GAB2: variants seen among roughly 807,000 people sequenced by gnomAD.
GAB2 encodes the protein GRB2-associated-binding protein 2.
A neutral mutation model predicts 65.5 loss-of-function variants in GAB2; 26 were observed. That is an observed-to-expected ratio of 0.40 (90% confidence interval 0.29 to 0.55). The LOEUF is 0.55. Ranked by LOEUF, GAB2 falls within the 20% of genes least tolerant of loss-of-function variation. The pLI is 0.53. For synonymous variants in GAB2, 321 were observed against 329.6 expected, an observed-to-expected ratio of 0.97 and a Z score of 0.28; for missense variants, 884 against 875.8, an observed-to-expected ratio of 1.01 and a Z score of -0.12.
At chr11:78,411,552 C>T (rs1857128926) in intron 1 of GAB2, among the ~76,000 whole-genome samples, 1 of 152,128 alleles carries the variant, frequency 6.6e-6, no homozygotes, top group South Asian at 2.1e-4. Context: ...CAGACCCACA[C>T]AAATACGTCC....
intron 1 of GAB2, among the ~76,000 whole-genome samples, chr11:78,320,531 C>CG (rs1855702414): frequency 6.6e-6 from 1 of 152,092 alleles, no homozygotes; most frequent in Admixed American, 6.6e-5. Flanking sequence ...AAAGATCACT[C>CG]TGGCTGCTGT....
chr11:78,401,721 A>G (rs1233334769), intron 1 of GAB2, among the ~76,000 whole-genome samples: 1 of 152,128 alleles, frequency 6.6e-6, no homozygotes, highest in Non-Finnish European at 1.5e-5. Context: ...TGTATATATG[A>G]ACACACACAT....
intron 1 of GAB2, among the ~76,000 whole-genome samples, chr11:78,301,748 G>C (rs1867025229): frequency 6.6e-6 from 1 of 152,122 alleles, no homozygotes; most frequent in Non-Finnish European, 1.5e-5. Flanking sequence ...GCAAGGCTAA[G>C]CAAAGAACAA....
intron 1 of GAB2, among the ~76,000 whole-genome samples, chr11:78,351,425 G>A (rs907919498): frequency 2.0e-5 from 3 of 152,146 alleles, no homozygotes; most frequent in African/African-American, 7.2e-5. Flanking sequence ...TGGATTCCCA[G>A]GTGGCCCTGG....
intron 1 of GAB2, among the ~76,000 whole-genome samples, chr11:78,330,712 C>T (rs1441018074): frequency 6.6e-6 from 1 of 152,196 alleles, no homozygotes; most frequent in Non-Finnish European, 1.5e-5. Flanking sequence ...TACATTTCCT[C>T]TTCCCACCCC....
chr11:78,366,745 A>G (rs930167610), intron 1 of GAB2, among the ~76,000 whole-genome samples: 1 of 148,672 alleles, frequency 6.7e-6, no homozygotes, highest in African/African-American at 2.4e-5. Flanking sequence ...CCCCAATTAC[A>G]TTCTATTCCC....
At chr11:78,287,163 A>G (rs1341134189) in intron 1 of GAB2, among the ~76,000 whole-genome samples, 1 of 152,258 alleles carries the variant, frequency 6.6e-6, no homozygotes, top group Non-Finnish European at 1.5e-5. Flanking sequence ...AAAATATTTG[A>G]TAAAATTAAA....
Position 78,308,918 on chromosome 11 carries a change from A to G in GAB2, c.76-28017T>C, listed in dbSNP as rs367885936. On this transcript the variant is annotated intron_variant, in intron 1 of 9. Coordinates refer to ENST00000361507, the MANE Select transcript of GAB2 (RefSeq NM_080491.3). ...GTGTGTGTATTCCATTTCACAATAAAAAGTTGAAGACATAGTTGGAAACAT... is the reference window on the plus strand; with the variant it reads ...GTGTGTGTATTCCATTTCACAATAAGAAGTTGAAGACATAGTTGGAAACAT... Among the ~76,000 whole-genome samples the G allele has an allele frequency of 1.1e-4, 16 of 152,326 alleles. No homozygotes were observed. The East Asian group carries it at 1.7e-3, about 17-fold the overall frequency.
intron 3 of GAB2, among the ~76,000 whole-genome samples, chr11:78,249,114 G>A (rs10450667): frequency 0.016 from 2,404 of 152,300 alleles, 65 homozygotes; most frequent in African/African-American, 0.055. Flanking sequence ...GGGTAGCATA[G>A]TGAAAAGAGT....
intron 1 of GAB2, among the ~76,000 whole-genome samples, chr11:78,336,825 A>T (rs1856011325): frequency 6.6e-6 from 1 of 152,332 alleles, no homozygotes; most frequent in Admixed American, 6.5e-5. Context: ...AAATGTTAGG[A>T]AATTCTTGTT....
chr11:78,251,463 C>A (rs1865454670), intron 2 of GAB2, among the ~76,000 whole-genome samples: 1 of 152,196 alleles, frequency 6.6e-6, no homozygotes, highest in African/African-American at 2.4e-5. Flanking sequence ...AAGCCAAGGT[C>A]ATTATTCATT....
intron 1 of GAB2, among the ~76,000 whole-genome samples, chr11:78,338,362 C>T (rs1856037285): frequency 6.6e-6 from 1 of 152,034 alleles, no homozygotes; most frequent in Non-Finnish European, 1.5e-5. Flanking sequence ...AAAGCTTTTG[C>T]TTCTCTTGCT....
rs1440604068 is a variant in GAB2 at position 78,250,021 on chromosome 11, T to C, written c.620+136A>G. ...ATATGAAGGCTACAGAAGCAAAAAA[T>C]TATGTTTTGTCATAGACGTGTTTGT... On this transcript the variant is annotated intron_variant, in intron 3 of 9. Coordinates refer to ENST00000361507, the MANE Select transcript of GAB2 (RefSeq NM_080491.3). 3 of 922,244 alleles carry C rather than the reference T, an allele frequency of 3.3e-6. No individual in the cohort carries two copies. In the African/African-American group the frequency reaches 5.0e-5, roughly 15 times the overall value. The allele number at this position is 922,244 out of a possible 1,614,324, so 57.1% of individuals were successfully genotyped here.
intron 1 of GAB2, among the ~76,000 whole-genome samples, chr11:78,313,403 C>T (rs113390081): frequency 0.031 from 4,657 of 152,260 alleles, 226 homozygotes; most frequent in African/African-American, 0.11. Context: ...TTTACTTCCC[C>T]TCCTGGCTTT....
chr11:78,226,436 TCTGAGTCTCAGCTAGGAC>T lies in GAB2; in HGVS notation c.1207+11_1207+28del. ...AACCCCTGTGTTACCTCCTCCTCCCTCTGAGTCTCAGCTAGGACTTATACTGACCTCGGTGAAGTCGGC... is the reference window on the plus strand; with the variant it reads ...AACCCCTGTGTTACCTCCTCCTCCCTTTATACTGACCTCGGTGAAGTCGGC... On this transcript the variant is annotated intron_variant, in intron 4 of 9. Coordinates refer to ENST00000361507, the MANE Select transcript of GAB2 (RefSeq NM_080491.3). 1.9e-6 allele frequency: 3 copies of T among 1,548,030 alleles called. No individual in the cohort carries two copies. The highest frequency in any genetic ancestry group is 2.7e-5 in the African/African-American group (2 of 73,764).
chr11:78,253,904 A>G (rs922470070), intron 2 of GAB2, among the ~76,000 whole-genome samples: 1 of 152,222 alleles, frequency 6.6e-6, no homozygotes, highest in African/African-American at 2.4e-5. Context: ...CAGTATTACA[A>G]TAAACGCCAT....
At chr11:78,372,415 T>C (rs1175857413) in intron 1 of GAB2, among the ~76,000 whole-genome samples, 1 of 152,158 alleles carries the variant, frequency 6.6e-6, no homozygotes, top group Non-Finnish European at 1.5e-5. Flanking sequence ...GTGTGCCAAA[T>C]ACATTTGACC....
intron 1 of GAB2, among the ~76,000 whole-genome samples, chr11:78,343,076 A>C (rs937745399): frequency 1.3e-5 from 2 of 151,564 alleles, no homozygotes; most frequent in African/African-American, 4.9e-5. Context: ...TTTATTGAAT[A>C]ACCCACTAAG....
intron 3 of GAB2, among the ~76,000 whole-genome samples, chr11:78,230,540 C>G (rs1337638810): frequency 6.6e-6 from 1 of 152,264 alleles, no homozygotes; most frequent in Admixed American, 6.5e-5. Context: ...TCACCTTATT[C>G]TGCCTTATGT....
Sources: allele counts gnomAD v4.1 joint callset (sites outside exome capture counted in the v4.1 genomes callset), GRCh38; gene constraint gnomAD v4.1.1; transcripts MANE v1.5; gene names NCBI Gene and HGNC (gene_info 2026-07-23, HGNC 2026-07-21).